The following CMTM8 variants were observed in gnomAD, a reference collection of about 807,000 sequenced individuals.
The protein encoded by CMTM8 is CKLF like MARVEL transmembrane domain containing 8.
In CMTM8, 12 loss-of-function variants were observed where a neutral mutation model predicts 18.6. That is an observed-to-expected ratio of 0.65 (90% CI 0.41 to 1.05). CMTM8 has a LOEUF of 1.05. Among genes scored for constraint, CMTM8 ranks in the 50% least tolerant of loss-of-function variants. The probability of loss-of-function intolerance (pLI) is 0.00; values close to 1 mark genes in which losing one functional copy is unlikely to be tolerated. For missense variants in CMTM8, 217 were observed against 227.2 expected (o/e 0.95, Z 0.29); for synonymous variants, 87 against 90.6 (o/e 0.96, Z 0.23).
chr3:32,288,228 A>G (rs1473057780), intron 1 of CMTM8, among the ~76,000 whole-genome samples: 2 of 152,166 alleles, frequency 1.3e-5, no homozygotes, highest in Non-Finnish European at 2.9e-5. Flanking sequence ...GGAGCTTACA[A>G]CTTAATTGAG....
chr3:32,319,282 T>C (rs1695999006), intron 1 of CMTM8, among the ~76,000 whole-genome samples: 2 of 151,188 alleles, frequency 1.3e-5, no homozygotes, highest in Admixed American at 6.6e-5. Context: ...TTTCACCATA[T>C]TGGCCAGGCT....
intron 1 of CMTM8, among the ~76,000 whole-genome samples, chr3:32,306,329 G>T (rs1695714676): frequency 6.6e-6 from 1 of 152,216 alleles, no homozygotes; most frequent in South Asian, 2.1e-4. Flanking sequence ...AGTCATTTCT[G>T]CCATATTCTG....
chr3:32,366,844 C>T (rs755224198), intron 2 of CMTM8, among the ~76,000 whole-genome samples: 64 of 115,880 alleles, frequency 5.5e-4, no homozygotes, highest in Non-Finnish European at 8.9e-4. Context: ...ACAGTTTCGG[C>T]AGCCTGACCC....
In CMTM8 at chr3:32,239,069, G is replaced by C. The variant is rs1701909705; in HGVS notation, c.97G>C (p.Asp33His). 6.3e-7 allele frequency: 1 copy of C among 1,599,454 alleles called. No individual in the cohort carries two copies. The highest frequency in any genetic ancestry group is 1.3e-5 in the African/African-American group (1 of 74,614). Residue 33 changes from aspartate (D) to histidine (H), a missense_variant, in exon 1 of 4, where the codon GAC (aspartate) becomes CAC (histidine). Asp to His is a moderately conservative substitution (Grantham distance 81). Coordinates refer to ENST00000307526, the MANE Select transcript of CMTM8 (RefSeq NM_178868.5). ...CACCAGCAGCAGCAGCTTCGCCTAC[G>C]ACCGGGAGTTCCTCCGCACCCTGCC... ...FSTSSSSFAYDREFLRTLPGF... is the reference protein window; with the variant it reads ...FSTSSSSFAYHREFLRTLPGF...
intron 2 of CMTM8, among the ~76,000 whole-genome samples, chr3:32,365,565 C>T (rs1697018658): frequency 6.6e-6 from 1 of 152,284 alleles, no homozygotes; most frequent in South Asian, 2.1e-4. Context: ...CAAGCCTCAG[C>T]CTCCTGAGTA....
At chr3:32,243,839 C>G (rs1701976893) in intron 1 of CMTM8, 1 of 153,944 alleles carries the variant, frequency 6.5e-6, no homozygotes, top group Non-Finnish European at 1.5e-5. Flanking sequence ...CCCTGGATTA[C>G]TCTTCAGTTA....
rs1259489739 is a variant in CMTM8, at chr3:32,369,993, A to G, written c.*26A>G. 2 of 1,388,330 alleles carry G rather than the reference A, an allele frequency of 1.4e-6. No homozygotes were observed. Among genetic ancestry groups the G allele is most frequent in the African/African-American group, 1.4e-5 (1 of 70,508 alleles). The allele number at this position is 1,388,330 out of a possible 1,614,324, so 86.0% of individuals were successfully genotyped here. ...TTTACCATTTTGATAATTAAAAGGAAAAAAAAAGGAAGACTCTCACTGTAA... is the reference window on the plus strand; with the variant it reads ...TTTACCATTTTGATAATTAAAAGGAGAAAAAAAGGAAGACTCTCACTGTAA... On this transcript the variant is annotated 3_prime_UTR_variant, in exon 4 of 4. Coordinates refer to ENST00000307526, the MANE Select transcript of CMTM8 (RefSeq NM_178868.5).
chr3:32,242,262 C>T (rs1353785768), intron 1 of CMTM8, among the ~76,000 whole-genome samples: 1 of 152,214 alleles, frequency 6.6e-6, no homozygotes, highest in Non-Finnish European at 1.5e-5. Flanking sequence ...GAGTGTTAGA[C>T]TGAAAATGTT....
At position 32,350,309 on chromosome 3, in the gene CMTM8, C is replaced by G. The variant is rs187422381; in HGVS notation, c.148-7064C>G. Among the ~76,000 whole-genome samples the G allele has an allele frequency of 5.8e-4, 87 of 150,274 alleles. 1 individual carries two copies. The highest frequency in any genetic ancestry group is 2.1e-3 in the African/African-American group (85 of 40,916). ...ACCTGTTAACCACCTTAGAACTCAG[C>G]TTTCTTAGGGTCATTAAGTCAGTTA... On this transcript the variant is annotated intron_variant, in intron 1 of 3. Transcript: ENST00000307526.
chr3:32,277,058 AT>A (rs376792019), intron 1 of CMTM8, among the ~76,000 whole-genome samples: 1 of 151,168 alleles, frequency 6.6e-6, no homozygotes, highest in Non-Finnish European at 1.5e-5. Flanking sequence ...CTAAGTTACT[AT>A]TTTTTTTGTA....
chr3:32,316,985 T>C (rs919036638), intron 1 of CMTM8, among the ~76,000 whole-genome samples: 14 of 152,306 alleles, frequency 9.2e-5, no homozygotes, highest in Admixed American at 2.6e-4. Context: ...TACATATTAC[T>C]CTAAGAGAAC....
intron 1 of CMTM8, among the ~76,000 whole-genome samples, chr3:32,242,539 G>C (rs1701957393): frequency 6.6e-6 from 1 of 152,074 alleles, no homozygotes; most frequent in Non-Finnish European, 1.5e-5. Flanking sequence ...TGTTGCTCAG[G>C]CTGGTCTCGA....
At chr3:32,249,010 G>C (rs964609790) in intron 1 of CMTM8, among the ~76,000 whole-genome samples, 3 of 123,250 alleles carry the variant, frequency 2.4e-5, no homozygotes, top group African/African-American at 9.1e-5. Context: ...AAAGAATGGA[G>C]TTACTGGGTA....
At chr3:32,319,205 A>G (rs1695997200) in intron 1 of CMTM8, among the ~76,000 whole-genome samples, 1 of 148,912 alleles carries the variant, frequency 6.7e-6, no homozygotes, top group Non-Finnish European at 1.5e-5. Context: ...CAGCCTCCCG[A>G]GTAGCTGGGC....
intron 1 of CMTM8, among the ~76,000 whole-genome samples, chr3:32,313,232 G>A (rs1473301753): frequency 3.9e-5 from 6 of 152,092 alleles, no homozygotes; most frequent in East Asian, 1.9e-4. Context: ...TGCTGGTCCC[G>A]AATGAAGCCC....
At chr3:32,284,815 C>T (rs1702654151) in intron 1 of CMTM8, among the ~76,000 whole-genome samples, 1 of 152,032 alleles carries the variant, frequency 6.6e-6, no homozygotes, top group South Asian at 2.1e-4. Flanking sequence ...TTGTTTTTTC[C>T]TGGTTCTATT....
chr3:32,264,993 C>T (rs1702313898), intron 1 of CMTM8, among the ~76,000 whole-genome samples: 1 of 152,108 alleles, frequency 6.6e-6, no homozygotes, highest in African/African-American at 2.4e-5. Flanking sequence ...GACACCCACA[C>T]AATAATAATG....
intron 1 of CMTM8, among the ~76,000 whole-genome samples, chr3:32,318,564 A>AT (rs1215037595): frequency 0.12 from 14,550 of 125,266 alleles, 1,280 homozygotes; most frequent in Non-Finnish European, 0.17. Context: ...GTCATTATTA[A>AT]TTTTTTTTTT....
In CMTM8 at chr3:32,239,109, T is replaced by C. The variant is rs1444959729; in HGVS notation, c.137T>C (p.Val46Ala). 1.3e-6 allele frequency: 2 copies of C among 1,599,640 alleles called. No homozygotes were observed. The highest frequency in any genetic ancestry group is 1.7e-6 in the Non-Finnish European group (2 of 1,173,840). ...FLRTLPGFLI[V>A]AEIVLGLLVW... Reference sequence around the variant, plus strand: ...CGCACCCTGCCCGGCTTCCTCATCGTGGCCGAGATCGTGAGTGCCGACGGG... The same window carrying C: ...CGCACCCTGCCCGGCTTCCTCATCGCGGCCGAGATCGTGAGTGCCGACGGG... Residue 46 changes from valine (V) to alanine (A), a missense_variant, in exon 1 of 4, where the codon GTG becomes GCG. Coordinates refer to ENST00000307526, the MANE Select transcript of CMTM8 (RefSeq NM_178868.5).
Sources: gnomAD v4.1 joint callset for allele counts (sites outside exome capture counted in the v4.1 genomes callset) on GRCh38, gnomAD v4.1.1 for gene constraint, MANE v1.5 for transcripts, NCBI Gene and HGNC (gene_info 2026-07-23, HGNC 2026-07-21) for gene names.